The following CSMD1 variants were observed in gnomAD, a reference collection of about 807,000 sequenced individuals.
CSMD1 encodes CUB and sushi domain-containing protein 1.
Under a neutral mutation model 417.5 loss-of-function variants are expected in CSMD1, and 213 were observed. That is an observed-to-expected ratio of 0.51 (90% confidence interval 0.46 to 0.57). The LOEUF (loss-of-function observed/expected upper bound fraction) is 0.57. Ranked by LOEUF, CSMD1 falls within the 20% of genes least tolerant of loss-of-function variation. CSMD1 has a pLI of 0.00. For synonymous variants in CSMD1, 2,862 were observed against 1,736.8 expected (o/e 1.65, Z -16.11); for missense variants, 6,923 against 4,529.7 (o/e 1.53, Z -15.17).
At chr8:3,737,396 T>G (rs543376719) in intron 6 of CSMD1, among the ~76,000 whole-genome samples, 1 of 152,358 alleles carries the variant, frequency 6.6e-6, no homozygotes, top group South Asian at 2.1e-4. Context: ...TTTATTTCTA[T>G]AATGCTTTTA....
chr8:4,725,564 C>G (rs796907974), intron 1 of CSMD1, among the ~76,000 whole-genome samples: 9 of 152,252 alleles, frequency 5.9e-5, no homozygotes, highest in African/African-American at 1.7e-4. Flanking sequence ...GTTTTGAGAC[C>G]TACGTGTATT....
intron 2 of CSMD1, among the ~76,000 whole-genome samples, chr8:4,500,784 T>A (rs181353971): frequency 2.7e-4 from 41 of 152,242 alleles, no homozygotes; most frequent in African/African-American, 9.1e-4. Context: ...TAAACAGGTT[T>A]CTAAAAAGGA....
chr8:4,482,534 T>C (rs12550204), intron 2 of CSMD1, among the ~76,000 whole-genome samples: 105,458 of 152,178 alleles, frequency 0.69, 39,100 homozygotes, highest in Non-Finnish European at 0.83. Context: ...TTTGCTATTG[T>C]GAATAGTGTT....
In CSMD1 at chr8:3,454,563, C is replaced by T. The variant is rs1459770535; in HGVS notation, c.1561+14149G>A. On this transcript the variant is annotated intron_variant, in intron 12 of 69. Coordinates refer to ENST00000635120, the MANE Select transcript of CSMD1 (RefSeq NM_033225.6). Reference sequence around the variant, plus strand: ...TCTGTAAAGGATTTTATTTCTCCTTCACTTAAGAAACTTAGTTTGGCTGGA... The same window carrying T: ...TCTGTAAAGGATTTTATTTCTCCTTTACTTAAGAAACTTAGTTTGGCTGGA... 3.9e-5 allele frequency among the ~76,000 whole-genome samples: 6 copies of T among 152,178 alleles called. No homozygotes were observed. The East Asian group carries it at 1.2e-3, about 29-fold the overall frequency.
chr8:4,208,676 A>T (rs1046417155), intron 3 of CSMD1, among the ~76,000 whole-genome samples: 1 of 152,232 alleles, frequency 6.6e-6, no homozygotes, highest in African/African-American at 2.4e-5. Context: ...TATGCAAAAC[A>T]TCATGATGAG....
intron 1 of CSMD1, among the ~76,000 whole-genome samples, chr8:4,897,886 T>C (rs898783288): frequency 2.0e-5 from 3 of 152,134 alleles, no homozygotes; most frequent in East Asian, 1.9e-4. Context: ...CATTACATCG[T>C]AAACCAGAGC....
At chr8:4,310,306 G>A (rs1342625468) in intron 3 of CSMD1, among the ~76,000 whole-genome samples, 1 of 152,038 alleles carries the variant, frequency 6.6e-6, no homozygotes, top group African/African-American at 2.4e-5. Flanking sequence ...CTTATGGGTG[G>A]GTGTGGAAGG....
At chr8:4,665,916 A>G (rs75710649) in intron 1 of CSMD1, among the ~76,000 whole-genome samples, 10,510 of 152,252 alleles carry the variant, frequency 0.069, 458 homozygotes, top group African/African-American at 0.12. Flanking sequence ...ATTTTACTTT[A>G]CAAGAATGAC....
chr8:4,576,978 AAC>A (rs1437138190), intron 2 of CSMD1, among the ~76,000 whole-genome samples: 1 of 152,224 alleles, frequency 6.6e-6, no homozygotes, highest in Non-Finnish European at 1.5e-5. Context: ...TAATTCGATG[AAC>A]ACAGTGTGAT....
At chr8:4,769,652 G>T (rs1485790123) in intron 1 of CSMD1, among the ~76,000 whole-genome samples, 1 of 152,082 alleles carries the variant, frequency 6.6e-6, no homozygotes, top group African/African-American at 2.4e-5. Context: ...AAAAGAAACG[G>T]GAGGCTTGGA....
At chr8:4,298,527 C>G (rs758459186) in intron 3 of CSMD1, among the ~76,000 whole-genome samples, 29 of 152,086 alleles carry the variant, frequency 1.9e-4, no homozygotes, top group Non-Finnish European at 1.5e-4. Flanking sequence ...GACCTATATA[C>G]AATGTACACA....
chr8:3,260,244 T>C (rs1289703691), intron 26 of CSMD1, among the ~76,000 whole-genome samples: 1 of 152,130 alleles, frequency 6.6e-6, no homozygotes, highest in Non-Finnish European at 1.5e-5. Context: ...GTTATCATTT[T>C]CTCAAAGTTG....
rs539486867 is a variant in CSMD1, at chr8:3,875,802, A to G, written c.819-121760T>C. ...AGCTTTGTGGTAAAGGGAAGGTACA[A>G]AAACAGCTGAGAGCTTGAGGGAATT... On this transcript the variant is annotated intron_variant, in intron 5 of 69. Coordinates refer to ENST00000635120, the MANE Select transcript of CSMD1 (RefSeq NM_033225.6). Among the ~76,000 whole-genome samples the G allele has an allele frequency of 2.6e-5, 4 of 152,330 alleles. No individual in the cohort carries two copies. In the East Asian group the frequency reaches 7.7e-4, roughly 30 times the overall value.
chr8:3,570,931 A>G (rs982465712), intron 10 of CSMD1, among the ~76,000 whole-genome samples: 1 of 152,236 alleles, frequency 6.6e-6, no homozygotes, highest in African/African-American at 2.4e-5. Flanking sequence ...TAGTATGTGT[A>G]GGAAAATAAT....
intron 30 of CSMD1, among the ~76,000 whole-genome samples, chr8:3,212,366 G>A (rs894903202): frequency 1.3e-5 from 2 of 151,964 alleles, no homozygotes; most frequent in Non-Finnish European, 2.9e-5. Context: ...AAAAAATAAC[G>A]TTCTTCCTCT....
chr8:3,635,049 A>T (rs576277372), intron 7 of CSMD1, among the ~76,000 whole-genome samples: 188 of 126,052 alleles, frequency 1.5e-3, no homozygotes, highest in African/African-American at 5.3e-3. Flanking sequence ...GTTTAATGAT[A>T]AAAAAAAAAA....
intron 5 of CSMD1, among the ~76,000 whole-genome samples, chr8:3,818,419 C>G (rs552733675): frequency 6.6e-6 from 1 of 152,262 alleles, no homozygotes; most frequent in East Asian, 1.9e-4. Context: ...CAGCACCAAA[C>G]AATTATTAAC....
At position 4,021,774 on chromosome 8, in the gene CSMD1, A is replaced by G. The variant is rs561728242; in HGVS notation, c.610+10131T>C. 4.6e-5 allele frequency among the ~76,000 whole-genome samples: 7 copies of G among 152,248 alleles called. No individual in the cohort carries two copies. The East Asian group carries it at 1.4e-3, about 29-fold the overall frequency. On this transcript the variant is annotated intron_variant, in intron 4 of 69. Coordinates refer to ENST00000635120, the MANE Select transcript of CSMD1 (RefSeq NM_033225.6). ...TCCCCAATAATCTTTATCTTGAGTG[A>G]CAAATGAAGAAGCCATTTAGTGATA...
chr8:3,316,847 G>A (rs768960322), intron 23 of CSMD1, among the ~76,000 whole-genome samples: 1 of 152,198 alleles, frequency 6.6e-6, no homozygotes, highest in South Asian at 2.1e-4. Flanking sequence ...AAGTATATTC[G>A]TATTTCAGAG....
Sources: gnomAD v4.1 joint callset for allele counts (sites outside exome capture counted in the v4.1 genomes callset) on GRCh38, gnomAD v4.1.1 for gene constraint, MANE v1.5 for transcripts, NCBI Gene and HGNC (gene_info 2026-07-23, HGNC 2026-07-21) for gene names.